RASAL2: variants seen among roughly 807,000 people sequenced by gnomAD.
RASAL2 encodes RAS protein activator like 2, also known as ras GTPase-activating protein nGAP.
In RASAL2, 58 loss-of-function variants were observed where a neutral mutation model predicts 128.9. The observed-to-expected ratio is 0.45, with a 90% CI of 0.36 to 0.56. The LOEUF is 0.56. RASAL2 is among the 20% of genes least tolerant of loss of function. RASAL2 has a pLI of 0.00. For missense variants in RASAL2, 1,360 were observed against 1,601.6 expected (o/e 0.85, Z 2.57); for synonymous variants, 561 against 580.8 (o/e 0.97, Z 0.49).
chr1:178,475,692 A>G lies in RASAL2; in HGVS notation c.*2453A>G, dbSNP rs965363311. 5.9e-5 allele frequency: 9 copies of G among 152,214 alleles called. No homozygotes were observed. Among genetic ancestry groups the G allele is most frequent in the African/African-American group, 2.2e-4 (9 of 41,462 alleles). 9.4% of individuals were successfully genotyped at this position (152,214 alleles called of 1,614,324 possible). On this transcript the variant is annotated 3_prime_UTR_variant, in exon 18 of 18. Transcript: ENST00000367649. ...AATGTGCTTTTGATGGATAGAGTGT[A>G]TCTTATTAGCATTATGGGAGCTCCT...
chr1:178,190,086 C>A (rs1662439217), intron 1 of RASAL2, among the ~76,000 whole-genome samples: 1 of 142,532 alleles, frequency 7.0e-6, no homozygotes, highest in African/African-American at 3.1e-5. Context: ...TTTCCTTCAG[C>A]CCCCTACCCC....
chr1:178,390,200 A>G lies in RASAL2; in HGVS notation c.558A>G (p.Lys186=). 6.3e-7 allele frequency: 1 copy of G among 1,597,880 alleles called. No individual in the cohort carries two copies. Among genetic ancestry groups the G allele is most frequent in the Non-Finnish European group, 8.6e-7 (1 of 1,166,766 alleles). The change falls in exon 4 of 18, where the codon AAA becomes AAG. Residue 186 remains lysine (K), a synonymous_variant. Coordinates refer to ENST00000367649, the MANE Select transcript of RASAL2 (RefSeq NM_170692.4). ...ACACTGCAAATACCTCACCCTTCAA[A>G]GTACCAGTAAGTGTTTATCTTCTTT... ...SMDTANTSPF[K]VPGFFSKRLK...
At chr1:178,288,347 G>A (rs1667126035) in intron 2 of RASAL2, among the ~76,000 whole-genome samples, 1 of 152,142 alleles carries the variant, frequency 6.6e-6, no homozygotes, top group East Asian at 1.9e-4. Flanking sequence ...CCCACCTAGA[G>A]CTGATTACTT....
Position 178,274,610 on chromosome 1 carries a change from A to G in RASAL2, c.203-8954A>G, listed in dbSNP as rs182167231. ...TTTCTCTTTCTTTTCTTTTTGAGACAGGGTCTTGCTCTGTCACCCAGGCTG... is the reference window on the plus strand; with the variant it reads ...TTTCTCTTTCTTTTCTTTTTGAGACGGGGTCTTGCTCTGTCACCCAGGCTG... On this transcript the variant is annotated intron_variant, in intron 1 of 17. Transcript: ENST00000367649. 1.5e-3 allele frequency among the ~76,000 whole-genome samples: 224 copies of G among 152,198 alleles called. 1 individual carries two copies. Among genetic ancestry groups the G allele is most frequent in the African/African-American group, 5.1e-3 (211 of 41,534 alleles).
chr1:178,315,087 A>G (rs1181298231), intron 3 of RASAL2, among the ~76,000 whole-genome samples: 20 of 143,862 alleles, frequency 1.4e-4, no homozygotes, highest in African/African-American at 4.2e-4. Context: ...ATGATTTCCA[A>G]TTTCATCCAT....
chr1:178,257,149 C>A (rs1233623194), intron 1 of RASAL2, among the ~76,000 whole-genome samples: 3 of 152,094 alleles, frequency 2.0e-5, no homozygotes, highest in Middle Eastern at 3.2e-3. Flanking sequence ...TGGAAATGCA[C>A]CCCATGTTCA....
chr1:178,271,108 G>C (rs1244630654), intron 1 of RASAL2, among the ~76,000 whole-genome samples: 2 of 152,100 alleles, frequency 1.3e-5, no homozygotes, highest in Non-Finnish European at 2.9e-5. Flanking sequence ...GAGGATCTTG[G>C]TACTCTGCCT....
At chr1:178,314,984 C>T (rs1287285082) in intron 3 of RASAL2, among the ~76,000 whole-genome samples, 2 of 144,056 alleles carry the variant, frequency 1.4e-5, no homozygotes, top group Non-Finnish European at 3.0e-5. Context: ...ATTCCCCTTC[C>T]TGTGTCCATG....
chr1:178,244,649 G>A (rs1405893092), intron 1 of RASAL2, among the ~76,000 whole-genome samples: 1 of 152,150 alleles, frequency 6.6e-6, no homozygotes, highest in South Asian at 2.1e-4. Context: ...ATGGTGGTTT[G>A]CTGCACCTAT....
At chr1:178,433,273 T>G (rs1676042345) in intron 5 of RASAL2, among the ~76,000 whole-genome samples, 1 of 152,118 alleles carries the variant, frequency 6.6e-6, no homozygotes, top group South Asian at 2.1e-4. Flanking sequence ...GGTTACAACT[T>G]TGTGTTACTG....
At chr1:178,374,693 A>G (rs1296742133) in intron 3 of RASAL2, among the ~76,000 whole-genome samples, 11 of 152,128 alleles carry the variant, frequency 7.2e-5, no homozygotes, top group East Asian at 3.8e-4. Context: ...CTGACATTCT[A>G]TTATTCATTT....
intron 1 of RASAL2, among the ~76,000 whole-genome samples, chr1:178,159,236 A>G (rs1307107148): frequency 6.6e-6 from 1 of 152,150 alleles, no homozygotes; most frequent in Admixed American, 6.5e-5. Flanking sequence ...TTATCTTTTC[A>G]TATGTTAGTC....
chr1:178,111,172 C>T (rs115631469), intron 1 of RASAL2, among the ~76,000 whole-genome samples: 5,772 of 152,222 alleles, frequency 0.038, 371 homozygotes, highest in African/African-American at 0.13. Flanking sequence ...TGCCAGCTCG[C>T]CTTTTGATGA....
At chr1:178,149,831 C>T (rs1008753906) in intron 1 of RASAL2, among the ~76,000 whole-genome samples, 1 of 152,118 alleles carries the variant, frequency 6.6e-6, no homozygotes, top group Admixed American at 6.5e-5. Context: ...CACTCTGATA[C>T]TTAATTATCT....
chr1:178,299,539 C>G (rs752945401), intron 2 of RASAL2, among the ~76,000 whole-genome samples: 1 of 151,926 alleles, frequency 6.6e-6, no homozygotes, highest in Non-Finnish European at 1.5e-5. Flanking sequence ...TGCTGTGTCA[C>G]CAGGCTGGAG....
At chr1:178,300,205 T>C in intron 3 of RASAL2, 87 bp downstream of exon 3, 1 of 1,393,166 alleles carries the variant, frequency 7.2e-7, no homozygotes, top group Non-Finnish European at 9.7e-7. Flanking sequence ...ACATCCTGCA[T>C]TTCCTGTTAA....
intron 5 of RASAL2, among the ~76,000 whole-genome samples, chr1:178,431,939 C>T (rs763196940): frequency 6.7e-6 from 1 of 149,182 alleles, no homozygotes; most frequent in Non-Finnish European, 1.5e-5. Context: ...ATATTACATA[C>T]TTTATATAAT....
chr1:178,184,419 T>C (rs1662221376), intron 1 of RASAL2, among the ~76,000 whole-genome samples: 3 of 152,008 alleles, frequency 2.0e-5, no homozygotes, highest in African/African-American at 7.2e-5. Context: ...GTTTTATACT[T>C]TTACATTTTA....
chr1:178,366,595 C>CA (rs1553221498), intron 3 of RASAL2, among the ~76,000 whole-genome samples: 80 of 109,320 alleles, frequency 7.3e-4, no homozygotes, highest in African/African-American at 2.5e-3. Context: ...CCCCCCCCGC[C>CA]AAAAAAAAAC....
Sources: gnomAD v4.1 joint callset for allele counts (sites outside exome capture counted in the v4.1 genomes callset) on GRCh38, gnomAD v4.1.1 for gene constraint, MANE v1.5 for transcripts, NCBI Gene and HGNC (gene_info 2026-07-23, HGNC 2026-07-21) for gene names.